Variants in DAB1 observed in about 807,000 individuals in gnomAD.
The protein encoded by DAB1 is disabled homolog 1.
A neutral mutation model predicts 64.6 loss-of-function variants in DAB1; 15 were observed. The observed-to-expected ratio is 0.23, with a 90% CI of 0.16 to 0.36. The LOEUF (loss-of-function observed/expected upper bound fraction) is 0.36, where lower values mean the gene tolerates loss of function less well. DAB1 is among the 10% of genes least tolerant of loss of function. DAB1 has a pLI of 1.00. For synonymous variants in DAB1, 235 were observed against 251.9 expected (o/e 0.93, Z 0.64); for missense variants, 596 against 706.7 (o/e 0.84, Z 1.78).
intron 1 of DAB1, among the ~76,000 whole-genome samples, chr1:57,844,799 T>A (rs116777923): frequency 1.6e-3 from 251 of 152,252 alleles, no homozygotes; most frequent in African/African-American, 5.8e-3. Flanking sequence ...CTTCAGGCTG[T>A]ATACATCTAG....
At chr1:57,814,367 C>T (rs1040889252) in intron 6 of DAB1, among the ~76,000 whole-genome samples, 7 of 152,140 alleles carry the variant, frequency 4.6e-5, no homozygotes, top group African/African-American at 1.7e-4. Context: ...ACAGCAGCAG[C>T]AGGGTTTACA....
chr1:57,349,141 T>G (rs974121675), intron 1 of DAB1, among the ~76,000 whole-genome samples: 1 of 152,194 alleles, frequency 6.6e-6, no homozygotes, highest in Non-Finnish European at 1.5e-5. Context: ...TGGGGCTTTC[T>G]TCATCCTGTT....
At chr1:58,114,103 A>T (rs1216840594) in intron 5 of DAB1, among the ~76,000 whole-genome samples, 2 of 151,802 alleles carry the variant, frequency 1.3e-5, no homozygotes, top group East Asian at 3.9e-4. Flanking sequence ...AAAAAAAAAA[A>T]AAAAAATTAC....
At chr1:58,204,309 T>C (rs141820710) in intron 4 of DAB1, among the ~76,000 whole-genome samples, 96 of 152,288 alleles carry the variant, frequency 6.3e-4, no homozygotes, top group African/African-American at 2.2e-3. Context: ...ACCGAATTAT[T>C]TGTCAGAGCC....
chr1:57,979,416 G>C (rs1004702475), intron 5 of DAB1, among the ~76,000 whole-genome samples: 2 of 152,036 alleles, frequency 1.3e-5, no homozygotes, highest in Non-Finnish European at 2.9e-5. Context: ...GCCTATGGGG[G>C]ATGGGGGGCT....
rs1158961944 is a variant in DAB1, at chr1:57,039,073, G to A, written c.724-13030C>T. 2.6e-5 allele frequency among the ~76,000 whole-genome samples: 4 copies of A among 152,222 alleles called. No homozygotes were observed. The South Asian group carries it at 8.3e-4, about 32-fold the overall frequency. On this transcript the variant is annotated intron_variant, in intron 9 of 14. Transcript: ENST00000371236. ...TGAGCACTTTTAAAGTGAGAAATGT[G>A]ATGGTTTCAGGAGAGGCAGAGTGAG...
At chr1:57,116,318 C>T (rs949550719) in intron 4 of DAB1, among the ~76,000 whole-genome samples, 4 of 151,666 alleles carry the variant, frequency 2.6e-5, no homozygotes, top group South Asian at 4.2e-4. Context: ...AAAAATTAGC[C>T]GGGCCCAGTG....
At chr1:57,159,486 T>G (rs957597404) in intron 2 of DAB1, among the ~76,000 whole-genome samples, 1 of 152,212 alleles carries the variant, frequency 6.6e-6, no homozygotes, top group Non-Finnish European at 1.5e-5. Context: ...CTTGGTAGAC[T>G]GTAAGTTTAT....
chr1:58,544,922 G>C (rs1459978449), intron 1 of DAB1, among the ~76,000 whole-genome samples: 2 of 152,030 alleles, frequency 1.3e-5, no homozygotes, highest in East Asian at 3.9e-4. Context: ...ATTTTTTTCT[G>C]TAGACACGGT....
chr1:57,767,456 G>A (rs746572528), intron 6 of DAB1, among the ~76,000 whole-genome samples: 2 of 152,126 alleles, frequency 1.3e-5, no homozygotes, highest in Admixed American at 6.6e-5. Context: ...CCCTTGACCC[G>A]TCTGAATAAT....
intron 6 of DAB1, among the ~76,000 whole-genome samples, chr1:57,692,106 G>A (rs3131770): frequency 0.21 from 31,760 of 151,740 alleles, 3,712 homozygotes; most frequent in South Asian, 0.31. Context: ...GATTGACCCC[G>A]TGGCCACAAG....
chr1:57,378,788 G>C (rs1413598477), intron 1 of DAB1, among the ~76,000 whole-genome samples: 1 of 152,132 alleles, frequency 6.6e-6, no homozygotes, highest in Non-Finnish European at 1.5e-5. Flanking sequence ...AGCACAGAAT[G>C]CCTCAGCGAC....
chr1:57,184,072 C>T lies in DAB1; in HGVS notation c.68-38643G>A, dbSNP rs573612627. 1.3e-4 allele frequency among the ~76,000 whole-genome samples: 19 copies of T among 148,076 alleles called. No homozygotes were observed. In the South Asian group the frequency reaches 1.5e-3, roughly 11 times the overall value. On this transcript the variant is annotated intron_variant, in intron 2 of 14. Transcript: ENST00000371236. ...ACCATTATTAAAGAAATCAACAACA[C>T]GACTTTTCCAAAAAGAATTAAGAGC... is the stretch of plus-strand genomic sequence containing the variant.
In DAB1 at chr1:57,237,150, T is replaced by A. The variant is rs374343625; in HGVS notation, c.67+53814A>T. On this transcript the variant is annotated intron_variant, in intron 2 of 14. Transcript: ENST00000371236. ...CGAGAGAGATTGTTTCATTTAGGAG[T>A]AATTCTGACATGATTTGAAATGTTT... is the stretch of plus-strand genomic sequence containing the variant. 5.8e-4 allele frequency among the ~76,000 whole-genome samples: 89 copies of A among 152,194 alleles called. 1 individual carries two copies. The South Asian group carries it at 0.016, about 27-fold the overall frequency.
At chr1:57,875,822 T>A (rs1409209166) in intron 1 of DAB1, among the ~76,000 whole-genome samples, 4 of 152,168 alleles carry the variant, frequency 2.6e-5, no homozygotes, top group African/African-American at 4.8e-5. Context: ...TAAAAAGAGA[T>A]CTGGGTCAAA....
chr1:57,219,808 A>G (rs965918680), intron 2 of DAB1, among the ~76,000 whole-genome samples: 1 of 152,210 alleles, frequency 6.6e-6, no homozygotes, highest in African/African-American at 2.4e-5. Flanking sequence ...CACTTGGAAG[A>G]GGATCCCAAG....
intron 5 of DAB1, among the ~76,000 whole-genome samples, chr1:58,058,363 A>G (rs956601028): frequency 6.6e-6 from 1 of 152,174 alleles, no homozygotes; most frequent in African/African-American, 2.4e-5. Context: ...GCACTTTGCA[A>G]TTCCACCAGC....
chr1:57,542,055 CTAA>C (rs1644808619), intron 7 of DAB1, among the ~76,000 whole-genome samples: 1 of 152,148 alleles, frequency 6.6e-6, no homozygotes, highest in South Asian at 2.1e-4. Context: ...TCCCATTTTA[CTAA>C]TGAGTTAACT....
chr1:57,001,519 G>A (rs532818845), intron 14 of DAB1, among the ~76,000 whole-genome samples: 3 of 152,218 alleles, frequency 2.0e-5, no homozygotes, highest in East Asian at 3.9e-4. Flanking sequence ...CTTTCTTTAT[G>A]TCTTTCCAGG....
Sources: allele counts gnomAD v4.1 joint callset (sites outside exome capture counted in the v4.1 genomes callset), GRCh38; gene constraint gnomAD v4.1.1; transcripts MANE v1.5; gene names NCBI Gene and HGNC (gene_info 2026-07-23, HGNC 2026-07-21).